MGAT4A: variants seen among roughly 807,000 people sequenced by gnomAD.
MGAT4A encodes N-acetylglucosaminyltransferase IVa.
Under a neutral mutation model 74.1 loss-of-function variants are expected in MGAT4A, and 33 were observed. The observed-to-expected ratio is 0.45, with a 90% CI of 0.34 to 0.60. The LOEUF is 0.60. Among genes scored for constraint, MGAT4A ranks in the 20% least tolerant of loss-of-function variants. The pLI, the probability that MGAT4A is intolerant of heterozygous loss-of-function variation, is 0.02. For synonymous variants in MGAT4A, 198 were observed against 210.4 expected (o/e 0.94, Z 0.51); for missense variants, 479 against 628.3 (o/e 0.76, Z 2.54).
intron 13 of MGAT4A, among the ~76,000 whole-genome samples, 189 bp downstream of exon 13, chr2:98,636,328 T>C (rs1701319785): frequency 6.6e-6 from 1 of 152,144 alleles, no homozygotes. Context: ...TGAAGGCTCT[T>C]TCTATGAATG....
At chr2:98,669,939 G>C (rs1250253029) in intron 4 of MGAT4A, among the ~76,000 whole-genome samples, 2 of 152,158 alleles carry the variant, frequency 1.3e-5, no homozygotes, top group African/African-American at 4.8e-5. Context: ...TGCTCTGTCA[G>C]CCTGGATCCC....
intron 2 of MGAT4A, among the ~76,000 whole-genome samples, chr2:98,686,392 C>A (rs901647384): frequency 1.3e-5 from 2 of 152,122 alleles, no homozygotes; most frequent in East Asian, 3.8e-4. Flanking sequence ...TCTAAGCTGT[C>A]GGCTAATATA....
At chr2:98,637,224 T>C (rs1422212679) in intron 12 of MGAT4A, among the ~76,000 whole-genome samples, 3 of 152,008 alleles carry the variant, frequency 2.0e-5, no homozygotes, top group African/African-American at 7.2e-5. Flanking sequence ...GGTGAGAGGA[T>C]TGCTTGAGTT....
At chr2:98,670,695 T>G (rs556904219) in intron 4 of MGAT4A, among the ~76,000 whole-genome samples, 14 of 152,336 alleles carry the variant, frequency 9.2e-5, no homozygotes, top group Admixed American at 3.9e-4. Flanking sequence ...TGACAGTTTT[T>G]TTTCTTCCAC....
At chr2:98,640,081 A>C in intron 11 of MGAT4A, 40 bp downstream of exon 11, 3 of 1,566,032 alleles carry the variant, frequency 1.9e-6, no homozygotes, top group Middle Eastern at 3.4e-4. Context: ...CTTAAATAAC[A>C]AGTTGTATGT....
intron 2 of MGAT4A, among the ~76,000 whole-genome samples, chr2:98,711,137 C>A (rs1266962052): frequency 6.6e-6 from 1 of 151,656 alleles, no homozygotes; most frequent in African/African-American, 2.4e-5. Context: ...TCTACTAAGT[C>A]GATATAATGA....
At chr2:98,661,607 T>C (rs1701751056) in intron 5 of MGAT4A, among the ~76,000 whole-genome samples, 1 of 152,192 alleles carries the variant, frequency 6.6e-6, no homozygotes, top group Non-Finnish European at 1.5e-5. Context: ...ATATTTCTAT[T>C]CAAATGTACA....
chr2:98,665,382 C>A (rs1472632099), intron 4 of MGAT4A, among the ~76,000 whole-genome samples: 2 of 150,514 alleles, frequency 1.3e-5, no homozygotes, highest in African/African-American at 2.5e-5. Context: ...GCGTAAAGAC[C>A]ATGGATCTAC....
intron 2 of MGAT4A, among the ~76,000 whole-genome samples, chr2:98,687,444 T>C (rs1435173445): frequency 2.6e-5 from 4 of 152,178 alleles, no homozygotes; most frequent in Admixed American, 1.3e-4. Flanking sequence ...GCGTGTCCTC[T>C]TACTGCATGT....
chr2:98,680,901 CTAAA>C (rs775287308), intron 2 of MGAT4A, among the ~76,000 whole-genome samples: 53 of 152,162 alleles, frequency 3.5e-4, no homozygotes, highest in Non-Finnish European at 4.9e-4. Flanking sequence ...TCTCTTATTC[CTAAA>C]TAAGAAGACT....
At chr2:98,691,507 A>G (rs1702193923) in intron 2 of MGAT4A, among the ~76,000 whole-genome samples, 1 of 152,162 alleles carries the variant, frequency 6.6e-6, no homozygotes, top group African/African-American at 2.4e-5. Context: ...CCATTGTAAC[A>G]GCATAACACA....
intron 14 of MGAT4A, among the ~76,000 whole-genome samples, chr2:98,631,752 G>A (rs977146111): frequency 6.6e-6 from 1 of 152,150 alleles, no homozygotes; most frequent in Admixed American, 6.5e-5. Flanking sequence ...CCAAGCCCAC[G>A]TGTGATCCAA....
At chr2:98,700,310 T>C (rs1702335405) in intron 2 of MGAT4A, among the ~76,000 whole-genome samples, 1 of 148,486 alleles carries the variant, frequency 6.7e-6, no homozygotes, top group South Asian at 2.1e-4. Flanking sequence ...ACTATATATA[T>C]AATATATACT....
At chr2:98,688,221 A>G (rs1702152683) in intron 2 of MGAT4A, among the ~76,000 whole-genome samples, 1 of 152,174 alleles carries the variant, frequency 6.6e-6, no homozygotes, top group Non-Finnish European at 1.5e-5. Flanking sequence ...CCCAAAGGAT[A>G]AAGGGAACAT....
At chr2:98,644,987 T>A (rs1358217672) in intron 9 of MGAT4A, among the ~76,000 whole-genome samples, 4 of 152,170 alleles carry the variant, frequency 2.6e-5, no homozygotes, top group Admixed American at 6.5e-5. Flanking sequence ...CCAAAAACCA[T>A]TTAGAAATGA....
intron 2 of MGAT4A, chr2:98,695,003 T>A (rs1702248669): frequency 6.6e-6 from 1 of 152,560 alleles, no homozygotes; most frequent in Non-Finnish European, 1.4e-5. Flanking sequence ...TTAACAACCC[T>A]GAGCTCACCT....
intron 8 of MGAT4A, among the ~76,000 whole-genome samples, chr2:98,653,376 A>C (rs1198749022): frequency 1.3e-5 from 2 of 151,060 alleles, no homozygotes; most frequent in Non-Finnish European, 3.0e-5. Context: ...GCAGAAAAAA[A>C]CCCAAAGAAA....
intron 4 of MGAT4A, among the ~76,000 whole-genome samples, chr2:98,669,806 A>C (rs753991688): frequency 3.9e-5 from 6 of 152,112 alleles, no homozygotes; most frequent in Non-Finnish European, 8.8e-5. Context: ...AGGGGATATA[A>C]TTATTAATAG....
At chr2:98,730,413 G>A (rs923034082) in intron 1 of MGAT4A, among the ~76,000 whole-genome samples, 2 of 152,154 alleles carry the variant, frequency 1.3e-5, no homozygotes, top group Non-Finnish European at 2.9e-5. Flanking sequence ...GCTGAGGCCT[G>A]GGGAAACGGG....
Sources: gnomAD v4.1 joint callset for allele counts (sites outside exome capture counted in the v4.1 genomes callset) on GRCh38, gnomAD v4.1.1 for gene constraint, MANE v1.5 for transcripts, NCBI Gene and HGNC (gene_info 2026-07-23, HGNC 2026-07-21) for gene names.